The following KANSL1 variants were observed in gnomAD, a reference collection of about 807,000 sequenced individuals.
The protein encoded by KANSL1 is KAT8 regulatory NSL complex subunit 1, also known as MLL1/MLL complex subunit KANSL1.
A neutral mutation model predicts 103.6 loss-of-function variants in KANSL1; 22 were observed. The observed-to-expected ratio is 0.21, with a 90% CI of 0.15 to 0.30. KANSL1 has a LOEUF of 0.30. Among genes scored for constraint, KANSL1 ranks in the 10% least tolerant of loss-of-function variants. The pLI is 1.00. For missense variants in KANSL1, 1,337 were observed against 1,399.8 expected, an observed-to-expected ratio of 0.96 and a Z score of 0.72; for synonymous variants, 600 against 527.6, an observed-to-expected ratio of 1.14 and a Z score of -1.88.
At chr17:46,071,554 C>T (rs543867116) in intron 4 of KANSL1, among the ~76,000 whole-genome samples, 5 of 152,318 alleles carry the variant, frequency 3.3e-5, no homozygotes, top group African/African-American at 1.2e-4. Flanking sequence ...ATTTCCTATC[C>T]TGCAGTCTAA....
At chr17:46,109,972 G>C (rs1214839533) in intron 2 of KANSL1, among the ~76,000 whole-genome samples, 1 of 152,204 alleles carries the variant, frequency 6.6e-6, no homozygotes, top group Non-Finnish European at 1.5e-5. Context: ...GGGTGACTAG[G>C]GAGACTGCTT....
At chr17:46,198,870 C>A (rs1324937959), upstream of KANSL1, among the ~76,000 whole-genome samples, 1 of 152,212 alleles carries the variant, frequency 6.6e-6, no homozygotes, top group Non-Finnish European at 1.5e-5. Flanking sequence ...TCTAATGCCA[C>A]ATTAAATACT....
At chr17:46,064,701 C>T (rs1226547329) in intron 6 of KANSL1, among the ~76,000 whole-genome samples, 1 of 152,048 alleles carries the variant, frequency 6.6e-6, no homozygotes, top group Non-Finnish European at 1.5e-5. Context: ...TTTTCTTCTA[C>T]TTTATTCGTC....
At chr17:46,050,897 T>C (rs925734681) in intron 6 of KANSL1, among the ~76,000 whole-genome samples, 193 bp from the exon 7 acceptor site, 12 of 152,246 alleles carry the variant, frequency 7.9e-5, no homozygotes, top group Admixed American at 1.3e-4. Context: ...TCTAACACAC[T>C]GACCTTCAAA....
At chr17:46,107,637 T>C (rs1362535483) in intron 2 of KANSL1, among the ~76,000 whole-genome samples, 2 of 152,252 alleles carry the variant, frequency 1.3e-5, no homozygotes, top group South Asian at 2.1e-4. Context: ...TATCCAACTA[T>C]GTTTCTGACT....
intron 2 of KANSL1, among the ~76,000 whole-genome samples, chr17:46,131,225 T>C (rs1028097481): frequency 1.3e-5 from 2 of 152,006 alleles, no homozygotes; most frequent in African/African-American, 2.4e-5. Flanking sequence ...TGAATAAAAA[T>C]GGTTGTTCAA....
At chr17:46,139,793 G>A (rs1266938454) in intron 2 of KANSL1, among the ~76,000 whole-genome samples, 2 of 152,054 alleles carry the variant, frequency 1.3e-5, no homozygotes, top group Admixed American at 1.3e-4. Flanking sequence ...AACCCTCCAC[G>A]AACTGAAAGC....
chr17:46,087,466 A>C (rs780665880), intron 3 of KANSL1, among the ~76,000 whole-genome samples: 32 of 152,252 alleles, frequency 2.1e-4, no homozygotes, highest in Non-Finnish European at 4.4e-5. Context: ...GGTAGCATCT[A>C]TTGAGTGGCT....
chr17:46,137,876 A>G (rs2044231969), intron 2 of KANSL1, among the ~76,000 whole-genome samples: 1 of 152,094 alleles, frequency 6.6e-6, no homozygotes, highest in Admixed American at 6.5e-5. Context: ...CAAAAAAAAA[A>G]AAAAAAGAAA....
At chr17:46,088,831 A>G (rs62061764) in intron 3 of KANSL1, among the ~76,000 whole-genome samples, 21,634 of 151,956 alleles carry the variant, frequency 0.14, 2,123 homozygotes, top group Non-Finnish European at 0.22. Flanking sequence ...TCAGGTTACA[A>G]AGAACTATGA....
In KANSL1 at chr17:46,219,898, T is replaced by C. The variant is rs193280969; in HGVS notation, c.-90+3773A>G. ...TTGGGCGGATCATGAGGTCAGGAGA[T>C]CGAGACCATCCTGGCTAACACGGTG... is the stretch of plus-strand genomic sequence containing the variant. On this transcript the variant is annotated intron_variant, in intron 1 of 14. Coordinates refer to the KANSL1 transcript ENST00000572904. Among the ~76,000 whole-genome samples the C allele has an allele frequency of 8.8e-3, 1,341 of 151,916 alleles. 6 individuals carry two copies. Among genetic ancestry groups the C allele is most frequent in the African/African-American group, 0.028 (1,141 of 41,328 alleles).
chr17:46,186,719 AGACTGGT>A (rs1486510370), intron 1 of KANSL1, among the ~76,000 whole-genome samples: 3 of 152,156 alleles, frequency 2.0e-5, no homozygotes, highest in African/African-American at 7.2e-5. Flanking sequence ...TCAACTTATC[AGACTGGT>A]ATTTCTTTTT....
At chr17:46,140,217 A>G (rs1268637498) in intron 2 of KANSL1, among the ~76,000 whole-genome samples, 1 of 152,246 alleles carries the variant, frequency 6.6e-6, no homozygotes, top group Non-Finnish European at 1.5e-5. Context: ...AAAAATATGT[A>G]ATCTATACAA....
At chr17:46,099,418 A>G (rs1320044726) in intron 2 of KANSL1, among the ~76,000 whole-genome samples, 1 of 152,214 alleles carries the variant, frequency 6.6e-6, no homozygotes, top group African/African-American at 2.4e-5. Flanking sequence ...CAATATTCGA[A>G]GTGTAAATTT....
chr17:46,040,043 G>A (rs535615013), intron 7 of KANSL1, 159 bp from the exon 8 acceptor site: 1 of 559,928 alleles, frequency 1.8e-6, no homozygotes, highest in African/African-American at 1.9e-5. Flanking sequence ...ATTACTGAAG[G>A]TCATTCTTCT....
intron 2 of KANSL1, among the ~76,000 whole-genome samples, chr17:46,102,758 A>G (rs2042375629): frequency 6.6e-6 from 1 of 152,242 alleles, no homozygotes; most frequent in Admixed American, 6.5e-5. Flanking sequence ...TTAAGCAACT[A>G]TTAGTTACCA....
intron 6 of KANSL1, among the ~76,000 whole-genome samples, chr17:46,059,645 A>AGAG (rs1378276594): frequency 2.9e-3 from 43 of 14,784 alleles, no homozygotes; most frequent in African/African-American, 4.8e-3. Context: ...AAAAAAAAAA[A>AGAG]AAAGAGAGAG....
intron 1 of KANSL1, among the ~76,000 whole-genome samples, chr17:46,203,132 T>TTC (rs1221715149): frequency 1.3e-5 from 2 of 152,166 alleles, no homozygotes; most frequent in African/African-American, 4.8e-5. Context: ...CTCGGGAGGC[T>TTC]GAAGCAGGAG....
intron 1 of KANSL1, among the ~76,000 whole-genome samples, chr17:46,174,465 A>C (rs1209013033): frequency 6.6e-6 from 1 of 152,204 alleles, no homozygotes; most frequent in Non-Finnish European, 1.5e-5. Context: ...TTACAGGCCT[A>C]AGCTGCCACA....
Sources: allele counts gnomAD v4.1 joint callset (sites outside exome capture counted in the v4.1 genomes callset), GRCh38; gene constraint gnomAD v4.1.1; transcripts MANE v1.5; gene names NCBI Gene and HGNC (gene_info 2026-07-23, HGNC 2026-07-21).